ANK3: variants seen among roughly 807,000 people sequenced by gnomAD.
ANK3 encodes ankyrin 3, also known as ankyrin-3.
In ANK3, 57 loss-of-function variants were observed where a neutral mutation model predicts 370.9. The observed-to-expected ratio is 0.15, with a 90% CI of 0.12 to 0.19. ANK3 has a LOEUF of 0.19. Among genes scored for constraint, ANK3 ranks in the 10% least tolerant of loss-of-function variants. The pLI, the probability that ANK3 is intolerant of heterozygous loss-of-function variation, is 1.00. For missense variants in ANK3, 4,439 were observed against 5,302.1 expected, an observed-to-expected ratio of 0.84 and a Z score of 5.06; for synonymous variants, 1,929 against 1,946.3, an observed-to-expected ratio of 0.99 and a Z score of 0.23.
rs750384975 is a variant in ANK3, at chr10:60,583,511, G to GTT, written c.96+31673_96+31674dup. Among the ~76,000 whole-genome samples, 90 of 100,112 alleles carry GTT rather than the reference G, an allele frequency of 9.0e-4. 11 individuals are homozygous for GTT. The highest frequency in any genetic ancestry group is 3.2e-3 in the East Asian group (9 of 2,842). 65.7% of individuals were successfully genotyped at this position (100,112 alleles called of 152,430 possible). On this transcript the variant is annotated intron_variant, in intron 2 of 43. Coordinates refer to the ANK3 transcript ENST00000373827. ...CATATAGCTTACAGAGAGGTTTTTT[G>GTT]TTTTTTGTTTTTTGTTTTTTTTTGA... is the stretch of plus-strand genomic sequence containing the variant.
chr10:60,302,648 G>A (rs756508517), intron 1 of ANK3, among the ~76,000 whole-genome samples: 1 of 152,106 alleles, frequency 6.6e-6, no homozygotes, highest in African/African-American at 2.4e-5. Flanking sequence ...TAAAGATAAG[G>A]CCACACGCTG....
intron 1 of ANK3, among the ~76,000 whole-genome samples, chr10:60,307,943 C>A (rs1281431660): frequency 6.6e-6 from 1 of 152,174 alleles, no homozygotes; most frequent in East Asian, 1.9e-4. Context: ...GAAAATGTGA[C>A]AACAGCATTT....
intron 24 of ANK3, among the ~76,000 whole-genome samples, chr10:60,137,135 T>C (rs1423632530): frequency 6.6e-6 from 1 of 152,066 alleles, no homozygotes; most frequent in Non-Finnish European, 1.5e-5. Context: ...CTGGTAAATT[T>C]TGCGTAAGTA....
chr10:60,108,644 A>G (rs754162791), intron 27 of ANK3, among the ~76,000 whole-genome samples, 186 bp downstream of exon 27: 42 of 152,212 alleles, frequency 2.8e-4, no homozygotes, highest in Non-Finnish European at 5.6e-4. Context: ...AACTGAGTTA[A>G]GAAAGTATCA....
intron 1 of ANK3, among the ~76,000 whole-genome samples, chr10:60,315,251 C>T (rs2047160507): frequency 6.6e-6 from 1 of 152,118 alleles, no homozygotes; most frequent in South Asian, 2.1e-4. Flanking sequence ...AGAATGGATT[C>T]CCAACTTGAC....
intron 1 of ANK3, among the ~76,000 whole-genome samples, chr10:60,689,762 A>C (rs1328702284): frequency 6.6e-6 from 1 of 151,918 alleles, no homozygotes; most frequent in African/African-American, 2.4e-5. Flanking sequence ...CTCAAAAAAA[A>C]AAAAAAAGAA....
At chr10:60,204,323 ATC>A (rs753908138) in intron 11 of ANK3, among the ~76,000 whole-genome samples, 1 of 152,154 alleles carries the variant, frequency 6.6e-6, no homozygotes. Flanking sequence ...ACTGGTTGAT[ATC>A]TCTGGACATT....
In ANK3 at chr10:60,027,067, C is replaced by T. The variant is rs1044395104; in HGVS notation, c.*2779G>A. 6.6e-6 allele frequency: 1 copy of T among 152,056 alleles called. No homozygotes were observed. The highest frequency in any genetic ancestry group is 6.6e-5 in the Admixed American group (1 of 15,266). 9.4% of individuals were successfully genotyped at this position (152,056 alleles called of 1,614,324 possible). On this transcript the variant is annotated 3_prime_UTR_variant, in exon 44 of 44. Coordinates refer to ENST00000280772, the MANE Select transcript of ANK3 (RefSeq NM_020987.5). ...TACTTCTGAGTAAACTTATGACCTC[C>T]TGCTTGATCGGAACCAAAGCATATC...
chr10:60,476,920 T>C (rs959202362), intron 2 of ANK3, among the ~76,000 whole-genome samples: 16 of 152,180 alleles, frequency 1.1e-4, no homozygotes, highest in Admixed American at 1.3e-4. Flanking sequence ...GAGAAGTTTT[T>C]CTCCTAAATT....
chr10:60,684,084 G>A (rs1249092923), intron 1 of ANK3, among the ~76,000 whole-genome samples: 1 of 152,158 alleles, frequency 6.6e-6, no homozygotes, highest in Non-Finnish European at 1.5e-5. Context: ...ATTACATGGG[G>A]TCAAAATAGG....
Position 60,470,636 on chromosome 10 carries a change from G to A in ANK3, c.96+144550C>T, listed in dbSNP as rs1273653135. Reference sequence around the variant, plus strand: ...GCTGGTCAGTGATAGGCACAGGATAGACGCTGATGTTGACTTTGGTAACAA... The same window carrying A: ...GCTGGTCAGTGATAGGCACAGGATAAACGCTGATGTTGACTTTGGTAACAA... On this transcript the variant is annotated intron_variant, in intron 2 of 43. Coordinates refer to the ANK3 transcript ENST00000373827. Among the ~76,000 whole-genome samples the A allele has an allele frequency of 5.3e-5, 8 of 152,198 alleles. No individual in the cohort carries two copies. The East Asian group carries it at 1.5e-3, about 29-fold the overall frequency.
At chr10:60,487,836 G>A (rs7912568) in intron 2 of ANK3, among the ~76,000 whole-genome samples, 2 of 151,408 alleles carry the variant, frequency 1.3e-5, no homozygotes, top group African/African-American at 2.4e-5. Context: ...TGCCTCAGCC[G>A]CCCGAGTAGC....
chr10:60,662,268 G>A (rs1327883034), intron 1 of ANK3, among the ~76,000 whole-genome samples: 1 of 152,070 alleles, frequency 6.6e-6, no homozygotes, highest in Non-Finnish European at 1.5e-5. Flanking sequence ...CTGGCACACT[G>A]ATATATTGTG....
At chr10:60,065,315 G>C (rs1167876074) in intron 38 of ANK3, among the ~76,000 whole-genome samples, 1 of 152,200 alleles carries the variant, frequency 6.6e-6, no homozygotes, top group African/African-American at 2.4e-5. Flanking sequence ...AAGGGAAGGA[G>C]ACTTAGTTCC....
intron 1 of ANK3, among the ~76,000 whole-genome samples, chr10:60,328,866 T>C (rs1187607708): frequency 2.0e-5 from 3 of 152,084 alleles, no homozygotes; most frequent in Admixed American, 2.0e-4. Flanking sequence ...CTGATGAACA[T>C]CAATGTGAAA....
intron 25 of ANK3, among the ~76,000 whole-genome samples, chr10:60,123,928 T>C (rs1378971487): frequency 1.3e-5 from 2 of 152,110 alleles, no homozygotes; most frequent in Non-Finnish European, 2.9e-5. Flanking sequence ...ACACGAAGAA[T>C]AAGATGACTT....
chr10:60,206,029 G>C (rs2096757028), intron 10 of ANK3, 139 bp from the exon 11 acceptor site: 1 of 643,656 alleles, frequency 1.6e-6, no homozygotes, highest in Non-Finnish European at 2.8e-6. Context: ...GCAGCATGTA[G>C]ATTCTATTCT....
chr10:60,121,127 C>G (rs935590741), intron 25 of ANK3, among the ~76,000 whole-genome samples: 1 of 152,084 alleles, frequency 6.6e-6, no homozygotes, highest in African/African-American at 2.4e-5. Context: ...CAACGGAGTA[C>G]TGTTCAGCCA....
intron 1 of ANK3, among the ~76,000 whole-genome samples, chr10:60,388,586 G>A (rs1045047932): frequency 2.6e-5 from 4 of 152,096 alleles, no homozygotes; most frequent in Non-Finnish European, 5.9e-5. Flanking sequence ...TCAGTACCTA[G>A]GAGTCATATT....
Sources: allele counts gnomAD v4.1 joint callset (sites outside exome capture counted in the v4.1 genomes callset), GRCh38; gene constraint gnomAD v4.1.1; transcripts MANE v1.5; gene names NCBI Gene and HGNC (gene_info 2026-07-23, HGNC 2026-07-21).